KCNH5: variants seen among roughly 807,000 people sequenced by gnomAD.
The protein encoded by KCNH5 is voltage-gated delayed rectifier potassium channel KCNH5.
KCNH5 carries 46 observed loss-of-function variants against 96.1 expected under a neutral mutation model. The observed-to-expected ratio is 0.48, with a 90% CI of 0.38 to 0.61. The LOEUF (loss-of-function observed/expected upper bound fraction) is 0.61, where lower values mean the gene tolerates loss of function less well. Ranked by LOEUF, KCNH5 falls within the 20% of genes least tolerant of loss-of-function variation. The pLI is 0.00. For missense variants in KCNH5, 907 were observed against 1,225.8 expected, an observed-to-expected ratio of 0.74 and a Z score of 3.88; for synonymous variants, 439 against 449.8, an observed-to-expected ratio of 0.98 and a Z score of 0.30.
chr14:62,884,502 T>C (rs1888556878), intron 7 of KCNH5, among the ~76,000 whole-genome samples: 1 of 152,164 alleles, frequency 6.6e-6, no homozygotes, highest in Admixed American at 6.5e-5. Flanking sequence ...AGTATGCGCC[T>C]GTCATCTCAG....
intron 1 of KCNH5, among the ~76,000 whole-genome samples, chr14:63,019,143 T>G (rs1223579255): frequency 6.6e-6 from 1 of 151,476 alleles, no homozygotes; most frequent in Admixed American, 6.6e-5. Context: ...GACGATATGA[T>G]AGCTAAAATT....
intron 10 of KCNH5, among the ~76,000 whole-genome samples, chr14:62,731,479 C>A: frequency 6.6e-6 from 1 of 152,018 alleles, no homozygotes; most frequent in Admixed American, 6.6e-5. Context: ...ATGGATATAG[C>A]AAACTGTTGA....
chr14:62,867,041 T>C (rs1888148052), intron 7 of KCNH5, among the ~76,000 whole-genome samples: 1 of 152,276 alleles, frequency 6.6e-6, no homozygotes, highest in South Asian at 2.1e-4. Context: ...CCAGGAGTGA[T>C]GCCCCAAATG....
In KCNH5 at chr14:62,702,052, T is replaced by C. The variant is rs1412923159; in HGVS notation, c.*5456A>G. Reference sequence around the variant, plus strand: ...CCCACTATTAAAAAGAAAAAGAAATTATAGAAAAAAAATCCTGAATGACTC... The same window carrying C: ...CCCACTATTAAAAAGAAAAAGAAATCATAGAAAAAAAATCCTGAATGACTC... On this transcript the variant is annotated 3_prime_UTR_variant, in exon 11 of 11. Transcript: ENST00000322893. 1.3e-5 allele frequency: 2 copies of C among 151,964 alleles called. No individual in the cohort carries two copies. The highest frequency in any genetic ancestry group is 2.9e-5 in the Non-Finnish European group (2 of 67,914). The allele number at this position is 151,964 out of a possible 1,614,324, so 9.4% of individuals were successfully genotyped here.
At chr14:62,848,053 C>T (rs191684998) in intron 8 of KCNH5, among the ~76,000 whole-genome samples, 7 of 152,304 alleles carry the variant, frequency 4.6e-5, no homozygotes, top group African/African-American at 1.4e-4. Flanking sequence ...TAGATTTGTG[C>T]CAGAGGCCCT....
chr14:63,003,622 A>AT lies in KCNH5; in HGVS notation c.305-2164dup, dbSNP rs1378476183. On this transcript the variant is annotated intron_variant, in intron 3 of 10. Coordinates refer to ENST00000322893, the MANE Select transcript of KCNH5 (RefSeq NM_139318.5). Reference sequence around the variant, plus strand: ...TATATTTATATTTATATATATATATATATTTTTTTTTTTTTGAGACGGAGT... The same window carrying AT: ...TATATTTATATTTATATATATATATATTATTTTTTTTTTTTTGAGACGGAGT... 5.4e-3 allele frequency among the ~76,000 whole-genome samples: 606 copies of AT among 111,334 alleles called. 30 individuals are homozygous for AT. Among genetic ancestry groups the AT allele is most frequent in the African/African-American group, 0.019 (503 of 25,810 alleles). 73.0% of individuals were successfully genotyped at this position (111,334 alleles called of 152,430 possible). A position where few individuals can be genotyped will look rare whatever the true frequency, so the allele number is the denominator to read the frequency against.
At chr14:63,028,550 T>TTC (rs897420644) in intron 1 of KCNH5, among the ~76,000 whole-genome samples, 10 of 152,152 alleles carry the variant, frequency 6.6e-5, no homozygotes, top group Non-Finnish European at 1.5e-5. Context: ...TAAATTCTAA[T>TTC]TCTTGGCTGA....
Position 62,701,514 on chromosome 14 carries a change from A to G in KCNH5, c.*5994T>C, listed in dbSNP as rs1223159769. ...TTAAATAATCATGCAGTGGTAATGT[A>G]AAAGCCAGGATGGAAGTGAGCTGAC... On this transcript the variant is annotated 3_prime_UTR_variant, in exon 11 of 11. Coordinates refer to ENST00000322893, the MANE Select transcript of KCNH5 (RefSeq NM_139318.5). 2 of 152,144 alleles carry G rather than the reference A, an allele frequency of 1.3e-5. No individual in the cohort carries two copies. Among genetic ancestry groups the G allele is most frequent in the Non-Finnish European group, 2.9e-5 (2 of 67,984 alleles). The allele number at this position is 152,144 out of a possible 1,614,324, so 9.4% of individuals were successfully genotyped here. A position where few individuals can be genotyped will look rare whatever the true frequency, so the allele number is the denominator to read the frequency against.
intron 10 of KCNH5, among the ~76,000 whole-genome samples, chr14:62,730,793 C>T (rs751621209): frequency 6.6e-6 from 1 of 152,088 alleles, no homozygotes; most frequent in Non-Finnish European, 1.5e-5. Flanking sequence ...CATGCAAAGA[C>T]ACATATATCA....
intron 10 of KCNH5, among the ~76,000 whole-genome samples, chr14:62,763,800 C>G (rs1247931248): frequency 1.3e-5 from 2 of 152,112 alleles, no homozygotes; most frequent in Non-Finnish European, 2.9e-5. Context: ...TTGATAAATT[C>G]CTAGAAACAT....
chr14:63,024,764 A>G (rs1891494813), intron 1 of KCNH5, among the ~76,000 whole-genome samples: 1 of 152,202 alleles, frequency 6.6e-6, no homozygotes, highest in Non-Finnish European at 1.5e-5. Context: ...AAGGAGATTA[A>G]TCACTAACAA....
Position 62,705,427 on chromosome 14 carries a change from CGAAAAAGATATCATCCTCACCAT to C in KCNH5, c.*2058_*2080del, listed in dbSNP as rs1032316382. 3 of 151,880 alleles carry C rather than the reference CGAAAAAGATATCATCCTCACCAT, an allele frequency of 2.0e-5. No individual in the cohort carries two copies. Among genetic ancestry groups the C allele is most frequent in the African/African-American group, 7.2e-5 (3 of 41,400 alleles). 9.4% of individuals were successfully genotyped at this position (151,880 alleles called of 1,614,324 possible). The stretch of plus-strand genomic sequence containing the variant: ...GAAATTCAATAAATGTCAGAGGTCA[CGAAAAAGATATCATCCTCACCAT>C]GAAAGCAACAAAATTCCAATTTCAA... On this transcript the variant is annotated 3_prime_UTR_variant, in exon 11 of 11. Transcript: ENST00000322893.
At chr14:63,029,071 A>G (rs1034970380) in intron 1 of KCNH5, among the ~76,000 whole-genome samples, 1 of 152,142 alleles carries the variant, frequency 6.6e-6, no homozygotes, top group African/African-American at 2.4e-5. Flanking sequence ...GGCCTTAATA[A>G]TTGCATTTTA....
At chr14:62,996,724 A>G (rs1336154431) in intron 4 of KCNH5, among the ~76,000 whole-genome samples, 1 of 152,212 alleles carries the variant, frequency 6.6e-6, no homozygotes, top group East Asian at 1.9e-4. Context: ...TTCCATAAAT[A>G]GATATGTAGT....
chr14:62,866,904 T>C (rs1182432541), intron 7 of KCNH5, among the ~76,000 whole-genome samples: 1 of 152,160 alleles, frequency 6.6e-6, no homozygotes, highest in Non-Finnish European at 1.5e-5. Context: ...AACAATCATG[T>C]CCTGATAGTA....
rs757057491 is a variant in KCNH5, at chr14:62,799,998, G to GGAA, written c.1822+2328_1822+2330dup. Among the ~76,000 whole-genome samples, 299 of 150,862 alleles carry GGAA rather than the reference G, an allele frequency of 2.0e-3. 3 individuals carry two copies. The highest frequency in any genetic ancestry group is 1.7e-3 in the Non-Finnish European group (114 of 67,700). On this transcript the variant is annotated intron_variant, in intron 9 of 10. Coordinates refer to ENST00000322893, the MANE Select transcript of KCNH5 (RefSeq NM_139318.5). ...AAGGAGGAGGAGGAGGAGAAGAAGA[G>GGAA]GAAGAAGAGGAGAATCAGGAAAACA...
intron 10 of KCNH5, among the ~76,000 whole-genome samples, chr14:62,748,616 C>T (rs773786202): frequency 5.3e-5 from 8 of 152,040 alleles, no homozygotes; most frequent in East Asian, 1.9e-4. Context: ...GATGAAGATC[C>T]GTCTTCTGTA....
chr14:62,948,034 A>G (rs1382938892), intron 7 of KCNH5, among the ~76,000 whole-genome samples: 6 of 149,292 alleles, frequency 4.0e-5, no homozygotes, highest in Admixed American at 1.3e-4. Flanking sequence ...GTGTCCATGT[A>G]ATCTCATTGT....
At chr14:62,986,635 C>A (rs953619412) in intron 5 of KCNH5, among the ~76,000 whole-genome samples, 34 of 152,120 alleles carry the variant, frequency 2.2e-4, no homozygotes, top group Non-Finnish European at 8.8e-5. Flanking sequence ...TGCACAGGCT[C>A]CCACAGCACC....
Sources: allele counts gnomAD v4.1 joint callset (sites outside exome capture counted in the v4.1 genomes callset), GRCh38; gene constraint gnomAD v4.1.1; transcripts MANE v1.5; gene names NCBI Gene and HGNC (gene_info 2026-07-23, HGNC 2026-07-21).